SLC39A10: variants seen among roughly 807,000 people sequenced by gnomAD.
SLC39A10 encodes zinc transporter ZIP10.
SLC39A10 carries 13 observed loss-of-function variants against 65.1 expected under a neutral mutation model. That is an observed-to-expected ratio of 0.20 (90% CI 0.13 to 0.32). The LOEUF (loss-of-function observed/expected upper bound fraction) is 0.32, where lower values mean the gene tolerates loss of function less well. SLC39A10 is among the 10% of genes least tolerant of loss of function. SLC39A10 has a pLI of 1.00. For missense variants in SLC39A10, 831 were observed against 1,018.4 expected, an observed-to-expected ratio of 0.82 and a Z score of 2.50; for synonymous variants, 321 against 342.2, an observed-to-expected ratio of 0.94 and a Z score of 0.68.
intron 3 of SLC39A10, among the ~76,000 whole-genome samples, chr2:195,685,695 A>C (rs1361457366): frequency 6.6e-6 from 1 of 152,194 alleles, no homozygotes; most frequent in African/African-American, 2.4e-5. Flanking sequence ...ATCCTAGGCT[A>C]AATTATGTTC....
rs778057259 is a variant in SLC39A10, at chr2:195,680,854, G to A, written c.812G>A (p.Arg271His). The A allele has an allele frequency of 1.3e-5, 21 of 1,613,976 alleles. No individual in the cohort carries two copies. In the South Asian group the frequency reaches 1.6e-4, roughly 13 times the overall value. ...YEHNRVHKPD[R>H]VHNPGHSHVH... is the part of the protein sequence containing the mutation. The stretch of plus-strand genomic sequence containing the variant: ...CATAATCGGGTCCACAAACCTGATC[G>A]TGTACATAACCCAGGTCATTCTCAT... Residue 271 changes from arginine (R) to histidine (H), a missense_variant, in exon 2 of 10, where the codon CGT (arginine) becomes CAT (histidine). By Grantham distance (29) the Arg-to-His change is conservative (BLOSUM62 0). Coordinates refer to ENST00000359634, the MANE Select transcript of SLC39A10 (RefSeq NM_020342.3).
intron 2 of SLC39A10, among the ~76,000 whole-genome samples, chr2:195,651,060 G>A (rs925520557): frequency 6.6e-6 from 1 of 151,578 alleles, no homozygotes; most frequent in African/African-American, 2.4e-5. Flanking sequence ...GACAGAATGA[G>A]ACCCCGTCTC....
Position 195,706,589 on chromosome 2 carries a change from T to C in SLC39A10, c.1217-27T>C, listed in dbSNP as rs771956524. 1.1e-5 allele frequency: 17 copies of C among 1,598,116 alleles called. No homozygotes were observed. In the South Asian group the frequency reaches 1.8e-4, roughly 17 times the overall value. On this transcript the variant is annotated intron_variant, in intron 3 of 9. Coordinates refer to ENST00000359634, the MANE Select transcript of SLC39A10 (RefSeq NM_020342.3). The stretch of plus-strand genomic sequence containing the variant: ...CTGTTGGTTTAAATTGTTATACTAA[T>C]GTTGACTCTTAATTTCTTTTCTACA...
At position 195,728,358 on chromosome 2, in the gene SLC39A10, T is replaced by A. The variant is rs764907379; in HGVS notation, c.2337+9T>A. On this transcript the variant is annotated intron_variant, in intron 9 of 9. Coordinates refer to ENST00000359634, the MANE Select transcript of SLC39A10 (RefSeq NM_020342.3). This position sits in a 1 kb window ranked among gnomAD's most constrained non-coding sequence, Gnocchi z 4.4. ...TAGCCTTGGTGGATATGGTAAGATA[T>A]TTTATATTTTTTTGTGGTACTAAAC... 1.9e-6 allele frequency: 3 copies of A among 1,603,874 alleles called. No homozygotes were observed. Among genetic ancestry groups the A allele is most frequent in the Non-Finnish European group, 2.6e-6 (3 of 1,173,470 alleles).
At chr2:195,660,549 T>A (rs1422859610) in intron 1 of SLC39A10, among the ~76,000 whole-genome samples, 1 of 152,230 alleles carries the variant, frequency 6.6e-6, no homozygotes, top group Non-Finnish European at 1.5e-5. Context: ...TAGATTTACT[T>A]ACTGCTGTAA....
Position 195,735,066 on chromosome 2 carries a change from T to C in SLC39A10, c.*25T>C, listed in dbSNP as rs1223051689. The C allele has an allele frequency of 6.3e-7, 1 of 1,599,392 alleles. No individual in the cohort carries two copies. Among genetic ancestry groups the C allele is most frequent in the Non-Finnish European group, 8.5e-7 (1 of 1,173,476 alleles). ...ACCTTTCCCAGTAATCACTGTTGATTACGAGAATGTTACCATGCAGCTTTG... is the reference window on the plus strand; with the variant it reads ...ACCTTTCCCAGTAATCACTGTTGATCACGAGAATGTTACCATGCAGCTTTG... On this transcript the variant is annotated 3_prime_UTR_variant, in exon 10 of 10. Transcript: ENST00000359634.
rs574124437 is a variant in SLC39A10, at chr2:195,657,429, C to G, written c.-12+148C>G. ...GCTGGTTCCCTCGGGGATGCGGGCG[C>G]TGGGGTTCCCGCAGCTGCTGCAGTC... On this transcript the variant is annotated intron_variant, in intron 1 of 9. Coordinates refer to ENST00000359634, the MANE Select transcript of SLC39A10 (RefSeq NM_020342.3). 214 of 985,870 alleles carry G rather than the reference C, an allele frequency of 2.2e-4. No homozygotes were observed. The African/African-American group carries it at 3.5e-3, about 16-fold the overall frequency. The allele number at this position is 985,870 out of a possible 1,614,324, so 61.1% of individuals were successfully genotyped here. A position where few individuals can be genotyped will look rare whatever the true frequency, so the allele number is the denominator to read the frequency against.
chr2:195,676,343 C>T (rs1306818349), intron 1 of SLC39A10, among the ~76,000 whole-genome samples: 1 of 150,574 alleles, frequency 6.6e-6, no homozygotes, highest in East Asian at 1.9e-4. Context: ...GCGCCTGCCA[C>T]AGCGCCTGGC....
intron 3 of SLC39A10, among the ~76,000 whole-genome samples, chr2:195,696,277 A>G (rs1690953421): frequency 6.7e-6 from 1 of 150,368 alleles, no homozygotes; most frequent in Non-Finnish European, 1.5e-5. Flanking sequence ...GGTTCCTTGC[A>G]GTTTCACATG....
intron 1 of SLC39A10, among the ~76,000 whole-genome samples, chr2:195,671,930 G>A (rs1273677108): frequency 7.9e-5 from 12 of 151,898 alleles, no homozygotes; most frequent in Non-Finnish European, 5.9e-5. Context: ...TGACTGGAGC[G>A]GAGCTGCACT....
In SLC39A10 at chr2:195,716,808, C is replaced by T. The variant is rs1381215496; in HGVS notation, c.1868C>T (p.Ala623Val). 1.2e-6 allele frequency: 2 copies of T among 1,614,190 alleles called. No individual in the cohort carries two copies. The highest frequency in any genetic ancestry group is 2.2e-5 in the South Asian group (2 of 91,084). Residue 623 changes from alanine to valine, a missense_variant, in exon 7 of 10, where the codon GCT (alanine) becomes GTT (valine). This residue lies in a region of SLC39A10 where 230 missense variants were observed against 242.9 expected (regional missense o/e 0.95). Transcript: ENST00000359634. Reference protein sequence around the residue: ...LHTIHEHDLHAAAHNHHGENK... With the variant: ...LHTIHEHDLHVAAHNHHGENK... The stretch of plus-strand genomic sequence containing the variant: ...ACCATTCATGAGCATGATCTCCATG[C>T]TGCTGCACATAACCACCACGGCGAG...
intron 1 of SLC39A10, among the ~76,000 whole-genome samples, chr2:195,668,853 C>T (rs1276135703): frequency 5.3e-5 from 8 of 152,130 alleles, no homozygotes; most frequent in East Asian, 1.9e-4. Context: ...GAGGCTGAGG[C>T]GGGTAGATTA....
chr2:195,735,826 CG>C lies in SLC39A10; in HGVS notation c.*790del, dbSNP rs1692582418. The C allele has an allele frequency of 2.7e-5, 2 of 74,400 alleles. No homozygotes were observed. The highest frequency in any genetic ancestry group is 5.4e-4 in the East Asian group (2 of 3,726). 4.6% of individuals were successfully genotyped at this position (74,400 alleles called of 1,614,324 possible). A position where few individuals can be genotyped will look rare whatever the true frequency, so the allele number is the denominator to read the frequency against. ...TTTGATTTTTTTTTTTTTTTTTTGGCGGGGGTAGGTGAGGGTTTGGAGCATG... is the reference window on the plus strand; with the variant it reads ...TTTGATTTTTTTTTTTTTTTTTTGGCGGGGTAGGTGAGGGTTTGGAGCATG... On this transcript the variant is annotated 3_prime_UTR_variant, in exon 10 of 10. Coordinates refer to ENST00000359634, the MANE Select transcript of SLC39A10 (RefSeq NM_020342.3).
At chr2:195,658,975 G>C (rs1689273475) in intron 1 of SLC39A10, among the ~76,000 whole-genome samples, 1 of 152,156 alleles carries the variant, frequency 6.6e-6, no homozygotes, top group Admixed American at 6.5e-5. Flanking sequence ...TATTAAATAT[G>C]ACATCTATAT....
chr2:195,735,046 T>C lies in SLC39A10; in HGVS notation c.*5T>C, dbSNP rs1417054563. The C allele has an allele frequency of 1.9e-6, 3 of 1,608,514 alleles. No homozygotes were observed. Among genetic ancestry groups the C allele is most frequent in the Non-Finnish European group, 1.7e-6 (2 of 1,177,896 alleles). The stretch of plus-strand genomic sequence containing the variant: ...GTGTTTGACATCCAGTTTTGACCTT[T>C]CCCAGTAATCACTGTTGATTACGAG... On this transcript the variant is annotated 3_prime_UTR_variant, in exon 10 of 10. Coordinates refer to ENST00000359634, the MANE Select transcript of SLC39A10 (RefSeq NM_020342.3).
At chr2:195,681,434 A>G (rs994155660) in intron 2 of SLC39A10, among the ~76,000 whole-genome samples, 2 of 152,194 alleles carry the variant, frequency 1.3e-5, no homozygotes, top group South Asian at 2.1e-4. Context: ...GCTGAGGTGG[A>G]GAATCACTTG....
At chr2:195,678,664 G>A (rs1022774008) in intron 1 of SLC39A10, among the ~76,000 whole-genome samples, 2 of 148,872 alleles carry the variant, frequency 1.3e-5, no homozygotes, top group Non-Finnish European at 1.5e-5. Flanking sequence ...CTTAAAATTA[G>A]TCTCCCAAAT....
intron 1 of SLC39A10, chr2:195,674,633 T>G: frequency 1.0e-6 from 1 of 985,304 alleles, no homozygotes; most frequent in Non-Finnish European, 1.2e-6. Flanking sequence ...CCATGTTCTG[T>G]GAGTATTGCC....
At chr2:195,676,334 C>T (rs1372950130) in intron 1 of SLC39A10, among the ~76,000 whole-genome samples, 2 of 151,398 alleles carry the variant, frequency 1.3e-5, no homozygotes, top group African/African-American at 2.4e-5. Context: ...GGATTATAGG[C>T]GCCTGCCACA....
Sources: allele counts gnomAD v4.1 joint callset (sites outside exome capture counted in the v4.1 genomes callset), GRCh38; gene constraint gnomAD v4.1.1; regional missense constraint gnomAD v4.1.1; non-coding constraint Gnocchi (gnomAD v3.1); transcripts MANE v1.5; gene names NCBI Gene and HGNC (gene_info 2026-07-23, HGNC 2026-07-21).